The following SPAG16 variants were observed in gnomAD, a reference collection of about 807,000 sequenced individuals.
SPAG16 encodes sperm associated antigen 16.
SPAG16 carries 86 observed loss-of-function variants against 80.4 expected under a neutral mutation model. The observed-to-expected ratio is 1.07, with a 90% CI of 0.90 to 1.28. The LOEUF is 1.28. SPAG16 is among the 50% of genes most tolerant of loss of function. The pLI, the probability that SPAG16 is intolerant of heterozygous loss-of-function variation, is 0.00. For missense variants in SPAG16, 870 were observed against 765.3 expected, an observed-to-expected ratio of 1.14 and a Z score of -1.61; for synonymous variants, 294 against 265.9, an observed-to-expected ratio of 1.11 and a Z score of -1.03.
At chr2:213,664,723 G>A (rs2063541131) in intron 10 of SPAG16, among the ~76,000 whole-genome samples, 1 of 152,020 alleles carries the variant, frequency 6.6e-6, no homozygotes, top group Admixed American at 6.6e-5. Context: ...AGACTCAAGA[G>A]AAACACTAAG....
intron 11 of SPAG16, among the ~76,000 whole-genome samples, chr2:213,872,991 T>G (rs2076009544): frequency 6.6e-6 from 1 of 152,086 alleles, no homozygotes. Context: ...TAGTATTTTC[T>G]TGATGACATT....
At chr2:213,963,708 T>G (rs1351853055) in intron 12 of SPAG16, among the ~76,000 whole-genome samples, 14 of 152,152 alleles carry the variant, frequency 9.2e-5, no homozygotes, top group Non-Finnish European at 8.8e-5. Flanking sequence ...TTCAGGTTTA[T>G]TTTATGTACC....
intron 10 of SPAG16, among the ~76,000 whole-genome samples, chr2:213,590,157 C>T (rs1189651050): frequency 6.6e-6 from 1 of 152,030 alleles, no homozygotes. Context: ...GGCCAAATTC[C>T]TATAAAAGCT....
chr2:213,725,457 G>A (rs1252086993), intron 10 of SPAG16, among the ~76,000 whole-genome samples: 3 of 152,088 alleles, frequency 2.0e-5, no homozygotes, highest in Admixed American at 6.5e-5. Flanking sequence ...CCTCATTTCT[G>A]TTCTGTCTAG....
At chr2:213,920,449 G>A (rs1230753096) in intron 11 of SPAG16, among the ~76,000 whole-genome samples, 5 of 152,190 alleles carry the variant, frequency 3.3e-5, no homozygotes, top group Admixed American at 6.5e-5. Flanking sequence ...ACCCACCCAC[G>A]TACACACATG....
chr2:213,390,422 C>G (rs2067679700), intron 9 of SPAG16, among the ~76,000 whole-genome samples: 1 of 151,950 alleles, frequency 6.6e-6, no homozygotes, highest in African/African-American at 2.4e-5. Flanking sequence ...ACAATAAAAA[C>G]ATTATTAAAG....
At chr2:214,284,227 G>C (rs1158448349) in intron 15 of SPAG16, among the ~76,000 whole-genome samples, 1 of 152,008 alleles carries the variant, frequency 6.6e-6, no homozygotes, top group Non-Finnish European at 1.5e-5. Flanking sequence ...CACTAACAAG[G>C]GCTGATTATT....
chr2:214,164,040 T>C (rs192496148), intron 15 of SPAG16, among the ~76,000 whole-genome samples: 44 of 152,218 alleles, frequency 2.9e-4, no homozygotes, highest in Admixed American at 1.2e-3. Context: ...AATTGACATA[T>C]AAAATTAACC....
intron 9 of SPAG16, among the ~76,000 whole-genome samples, chr2:213,479,094 C>T (rs73986888): frequency 0.021 from 1,962 of 94,638 alleles, 95 homozygotes; most frequent in African/African-American, 0.084. Flanking sequence ...CACTGGCTTC[C>T]TTTTTTTTTT....
chr2:213,307,823 T>G (rs573474234), intron 3 of SPAG16, among the ~76,000 whole-genome samples: 217 of 152,230 alleles, frequency 1.4e-3, no homozygotes, highest in Middle Eastern at 0.014. Context: ...GTGTTCCTAT[T>G]TCTCCACATC....
At chr2:214,291,175 A>G (rs143537843) in intron 15 of SPAG16, among the ~76,000 whole-genome samples, 1 of 149,890 alleles carries the variant, frequency 6.7e-6, no homozygotes, top group Non-Finnish European at 1.5e-5. Context: ...AAGCATAGCT[A>G]CTCCTGCTCG....
Position 213,353,721 on chromosome 2 carries a change from C to T in SPAG16, c.762+3076C>T, listed in dbSNP as rs544903371. Among the ~76,000 whole-genome samples, 21 of 152,208 alleles carry T rather than the reference C, an allele frequency of 1.4e-4. 1 individual carries two copies. In the South Asian group the frequency reaches 4.2e-3, roughly 30 times the overall value. ...CTCAGGCACAGAACTCTTTTCACTTCTTTGTTCTATTGGATGGAATATCTT... is the reference window on the plus strand; with the variant it reads ...CTCAGGCACAGAACTCTTTTCACTTTTTTGTTCTATTGGATGGAATATCTT... On this transcript the variant is annotated intron_variant, in intron 7 of 15. Transcript: ENST00000331683.
chr2:213,377,903 A>ATT (rs200597218), intron 9 of SPAG16, among the ~76,000 whole-genome samples: 25 of 20,728 alleles, frequency 1.2e-3, no homozygotes, highest in African/African-American at 4.7e-3. Flanking sequence ...ATATATATAT[A>ATT]TTTTTTTTTT....
At position 214,344,093 on chromosome 2, in the gene SPAG16, C is replaced by T. The variant is rs928908627; in HGVS notation, c.1721-66047C>T. ...CACTGAAAGCACATTCATCAAGTACCATTTATTGAAAATGCTGTTCTATAT... is the reference window on the plus strand; with the variant it reads ...CACTGAAAGCACATTCATCAAGTACTATTTATTGAAAATGCTGTTCTATAT... On this transcript the variant is annotated intron_variant, in intron 15 of 15. Transcript: ENST00000331683. Among the ~76,000 whole-genome samples, 8 of 152,046 alleles carry T rather than the reference C, an allele frequency of 5.3e-5. No individual in the cohort carries two copies. In the East Asian group the frequency reaches 1.5e-3, roughly 29 times the overall value.
intron 12 of SPAG16, among the ~76,000 whole-genome samples, chr2:213,976,127 TATATATATACAC>T (rs975780457): frequency 6.7e-5 from 7 of 104,124 alleles, no homozygotes; most frequent in East Asian, 3.2e-4. Flanking sequence ...TATATATATA[TATATATATACAC>T]ACACACACAC....
chr2:213,656,285 C>T (rs1574671662), intron 10 of SPAG16, among the ~76,000 whole-genome samples: 1 of 152,214 alleles, frequency 6.6e-6, no homozygotes, highest in East Asian at 1.9e-4. Flanking sequence ...GTTCTCCTGC[C>T]TCAGCCTCCG....
chr2:213,404,402 T>C (rs1416922281), intron 9 of SPAG16, among the ~76,000 whole-genome samples: 22 of 152,146 alleles, frequency 1.4e-4, no homozygotes, highest in African/African-American at 3.1e-4. Flanking sequence ...GAAATAATGC[T>C]GCATATCTAC....
At chr2:214,292,630 A>G (rs796379823) in intron 15 of SPAG16, among the ~76,000 whole-genome samples, 13 of 152,074 alleles carry the variant, frequency 8.5e-5, no homozygotes, top group African/African-American at 3.1e-4. Flanking sequence ...AGCATTTTGA[A>G]TTACTTTTCT....
intron 15 of SPAG16, among the ~76,000 whole-genome samples, chr2:214,339,101 T>A (rs1161356070): frequency 6.6e-6 from 1 of 152,218 alleles, no homozygotes; most frequent in African/African-American, 2.4e-5. Context: ...ATGAAACTGA[T>A]AATTGCTTAT....
Sources: allele counts gnomAD v4.1 joint callset (sites outside exome capture counted in the v4.1 genomes callset), GRCh38; gene constraint gnomAD v4.1.1; transcripts MANE v1.5; gene names NCBI Gene and HGNC (gene_info 2026-07-23, HGNC 2026-07-21).